Variants in TM4SF19 observed in about 807,000 individuals in gnomAD.
TM4SF19 encodes transmembrane 4 L six family member 19, also known as transmembrane 4 L6 family member 19.
Under a neutral mutation model 21.8 loss-of-function variants are expected in TM4SF19, and 17 were observed. The ratio of observed to expected loss-of-function variants is 0.78; its 90% confidence interval spans 0.53 to 1.17. The LOEUF (loss-of-function observed/expected upper bound fraction) is 1.17. Ranked by LOEUF, TM4SF19 falls within the 50% of genes most tolerant of loss-of-function variation. TM4SF19 has a pLI of 0.00. For synonymous variants in TM4SF19, 107 were observed against 106.7 expected, an observed-to-expected ratio of 1.00 and a Z score of -0.02; for missense variants, 216 against 252.1, an observed-to-expected ratio of 0.86 and a Z score of 0.97.
In TM4SF19 at chr3:196,329,286, C is replaced by G. The variant is rs115404653; in HGVS notation, c.-1-1695G>C. ...AGATGACAATTCAGCGGGAAAAAGT[C>G]TCTTCCACAAATGGTGCCGGAACAA... On this transcript the variant is annotated intron_variant, in intron 1 of 4. Coordinates refer to ENST00000273695, the MANE Select transcript of TM4SF19 (RefSeq NM_138461.4). Among the ~76,000 whole-genome samples, 2 of 126,726 alleles carry G rather than the reference C, an allele frequency of 1.6e-5. 1 individual carries two copies. Among genetic ancestry groups the G allele is most frequent in the African/African-American group, 5.3e-5 (2 of 37,740 alleles). 83.1% of individuals were successfully genotyped at this position (126,726 alleles called of 152,430 possible).
chr3:196,327,742 A>T, intron 1 of TM4SF19, 151 bp from the exon 2 acceptor site: 1 of 627,450 alleles, frequency 1.6e-6, no homozygotes, highest in South Asian at 2.0e-5. Context: ...CTGCTTAAAA[A>T]CTCTGCTCCT....
Position 196,323,639 on chromosome 3 carries a change from A to T in TM4SF19, c.*178T>A. ...ATCCATGGATCACCTGGAAGTTTACAATGTGATTTAAAATGCATTCTATCA... is the reference window on the plus strand; with the variant it reads ...ATCCATGGATCACCTGGAAGTTTACTATGTGATTTAAAATGCATTCTATCA... On this transcript the variant is annotated 3_prime_UTR_variant, in exon 5 of 5. Transcript: ENST00000273695. 8.1e-7 allele frequency: 1 copy of T among 1,227,080 alleles called. No homozygotes were observed. The highest frequency in any genetic ancestry group is 1.1e-6 in the Non-Finnish European group (1 of 893,210). 76.0% of individuals were successfully genotyped at this position (1,227,080 alleles called of 1,614,324 possible). A position where few individuals can be genotyped will look rare whatever the true frequency, so the allele number is the denominator to read the frequency against.
intron 1 of TM4SF19, among the ~76,000 whole-genome samples, chr3:196,337,526 T>A (rs905732048): frequency 3.3e-5 from 5 of 152,176 alleles, no homozygotes; most frequent in Admixed American, 1.3e-4. Context: ...GGCTCAAGCA[T>A]CTACACTAAG....
At chr3:196,333,635 T>C (rs950510721) in intron 1 of TM4SF19, among the ~76,000 whole-genome samples, 10 of 152,162 alleles carry the variant, frequency 6.6e-5, no homozygotes, top group African/African-American at 1.9e-4. Flanking sequence ...AAAAACTATC[T>C]GTAGGTACCG....
chr3:196,332,254 CA>C (rs1224736520), intron 1 of TM4SF19, among the ~76,000 whole-genome samples: 77 of 139,920 alleles, frequency 5.5e-4, no homozygotes, highest in Non-Finnish European at 4.7e-4. Flanking sequence ...GATTCGGTCT[CA>C]AAAAAAAAAA....
chr3:196,329,991 C>G (rs1293924876), intron 1 of TM4SF19, among the ~76,000 whole-genome samples: 3 of 147,922 alleles, frequency 2.0e-5, no homozygotes, highest in Non-Finnish European at 3.0e-5. Flanking sequence ...CCTGCCTCAG[C>G]CTCCCAAGTA....
intron 4 of TM4SF19, 36 bp downstream of exon 4, chr3:196,324,235 T>C (rs1166446327): frequency 1.9e-6 from 3 of 1,606,136 alleles, no homozygotes; most frequent in African/African-American, 2.7e-5. Context: ...TCTCTCTCTG[T>C]CTGAAAAGAC....
At chr3:196,324,513 T>C in intron 3 of TM4SF19, 73 bp from the exon 4 acceptor site, 1 of 1,553,190 alleles carries the variant, frequency 6.4e-7, no homozygotes. Context: ...GGAGAAACGC[T>C]GAGCTAAGAC....
At position 196,324,035 on chromosome 3, in the gene TM4SF19, A is replaced by C. The variant is rs555005267; in HGVS notation, c.450-38T>G. The C allele has an allele frequency of 8.1e-6, 13 of 1,605,148 alleles. No individual in the cohort carries two copies. The South Asian group carries it at 1.3e-4, about 16-fold the overall frequency. ...ATAAGGAGACCAGGGGTCAGGCGAT[A>C]AGTAAGGAAAGCCAAACAGGCAACC... On this transcript the variant is annotated intron_variant, in intron 4 of 4. Transcript: ENST00000273695.
chr3:196,331,168 C>T (rs1275617841), intron 1 of TM4SF19, among the ~76,000 whole-genome samples: 1 of 151,762 alleles, frequency 6.6e-6, no homozygotes, highest in Non-Finnish European at 1.5e-5. Context: ...CCCAGCTACT[C>T]GGGTGGCTGA....
intron 1 of TM4SF19, among the ~76,000 whole-genome samples, chr3:196,328,033 G>A (rs909952424): frequency 1.3e-5 from 2 of 152,230 alleles, no homozygotes; most frequent in Non-Finnish European, 2.9e-5. Flanking sequence ...CAGGCATGGT[G>A]GCTCAGGCCT....
At chr3:196,337,091 C>T (rs1042776976) in intron 1 of TM4SF19, among the ~76,000 whole-genome samples, 5 of 122,068 alleles carry the variant, frequency 4.1e-5, no homozygotes, top group South Asian at 2.7e-4. Context: ...GACACAGTCT[C>T]GCTCTTGTTG....
At position 196,327,393 on chromosome 3, in the gene TM4SF19, G is replaced by A. The variant is rs372533772; in HGVS notation, c.198C>T (p.Leu66=). ...TCAGGGAACCCCGGACACTTACCAT[G>A]AGGCCTCCTCCCCAGAGCCCAGTTC... ...MLGTGLWGGG[L]MVLTAAILIS... is the part of the protein sequence containing the mutation. The change falls in exon 2 of 5, where the codon CTC becomes CTT. Residue 66 remains leucine (L), a synonymous_variant. Coordinates refer to ENST00000273695, the MANE Select transcript of TM4SF19 (RefSeq NM_138461.4). 12 of 1,613,630 alleles carry A rather than the reference G, an allele frequency of 7.4e-6. No individual in the cohort carries two copies. The South Asian group carries it at 7.7e-5, about 10-fold the overall frequency.
rs555203350 is a variant in TM4SF19, at chr3:196,326,164, G to A, written c.279+791C>T. 1.6e-4 allele frequency among the ~76,000 whole-genome samples: 25 copies of A among 152,064 alleles called. 1 individual carries two copies. In the South Asian group the frequency reaches 4.2e-3, roughly 25 times the overall value. ...TAATTTTTGTATTTTTGGTAGAGACGGGGTTTCACCATGTTGGCCAGGCTG... is the reference window on the plus strand; with the variant it reads ...TAATTTTTGTATTTTTGGTAGAGACAGGGTTTCACCATGTTGGCCAGGCTG... On this transcript the variant is annotated intron_variant, in intron 3 of 4. Transcript: ENST00000273695.
At chr3:196,328,004 A>G (rs991723304) in intron 1 of TM4SF19, among the ~76,000 whole-genome samples, 4 of 152,196 alleles carry the variant, frequency 2.6e-5, no homozygotes, top group African/African-American at 9.6e-5. Context: ...ATAGGAAAGA[A>G]AGAAGTAATA....
chr3:196,328,075 G>A (rs908670407), intron 1 of TM4SF19, among the ~76,000 whole-genome samples: 1 of 152,190 alleles, frequency 6.6e-6, no homozygotes, highest in Non-Finnish European at 1.5e-5. Flanking sequence ...GCTGAGGCAG[G>A]CGGATCACGA....
chr3:196,326,491 C>T (rs1727297560), intron 3 of TM4SF19, among the ~76,000 whole-genome samples: 1 of 151,996 alleles, frequency 6.6e-6, no homozygotes, highest in Non-Finnish European at 1.5e-5. Flanking sequence ...GAAATTTATT[C>T]TGGGCCTCAG....
intron 1 of TM4SF19, among the ~76,000 whole-genome samples, chr3:196,334,468 T>C (rs567145528): frequency 1.3e-5 from 2 of 151,814 alleles, no homozygotes; most frequent in African/African-American, 4.8e-5. Flanking sequence ...TTTTTTTTTT[T>C]CTTGAGACAG....
At chr3:196,328,934 C>A (rs1727407431) in intron 1 of TM4SF19, among the ~76,000 whole-genome samples, 1 of 152,052 alleles carries the variant, frequency 6.6e-6, no homozygotes, top group Non-Finnish European at 1.5e-5. Context: ...CAGACCCGGT[C>A]CAGGAAAAAT....
Sources: gnomAD v4.1 joint callset for allele counts (sites outside exome capture counted in the v4.1 genomes callset) on GRCh38, gnomAD v4.1.1 for gene constraint, MANE v1.5 for transcripts, NCBI Gene and HGNC (gene_info 2026-07-23, HGNC 2026-07-21) for gene names.